Variants in AFF3 observed in about 807,000 individuals in gnomAD.
The protein encoded by AFF3 is AF4/FMR2 family member 3.
Under a neutral mutation model 129.7 loss-of-function variants are expected in AFF3, and 32 were observed. That is an observed-to-expected ratio of 0.25 (90% CI 0.19 to 0.33). AFF3 has a LOEUF of 0.33. Ranked by LOEUF, AFF3 falls within the 10% of genes least tolerant of loss-of-function variation. The pLI is 1.00. For synonymous variants in AFF3, 644 were observed against 635.4 expected, an observed-to-expected ratio of 1.01 and a Z score of -0.20; for missense variants, 1,373 against 1,592.0, an observed-to-expected ratio of 0.86 and a Z score of 2.34.
At chr2:100,140,754 A>G (rs1251841019) in intron 1 of AFF3, among the ~76,000 whole-genome samples, 1 of 152,082 alleles carries the variant, frequency 6.6e-6, no homozygotes. Flanking sequence ...GCTCCAGAAC[A>G]TGTTCCTCTC....
rs189816938 is a variant in AFF3, at chr2:99,958,438, T to C, written c.873+48194A>G. Among the ~76,000 whole-genome samples the C allele has an allele frequency of 3.6e-3, 528 of 148,630 alleles. 1 individual carries two copies. The highest frequency in any genetic ancestry group is 5.9e-3 in the Non-Finnish European group (399 of 67,444). ...AACCTAGGAGGTGAAGGAGCCGAGA[T>C]CGTGTCACTGCACTCCAGCCTGGGT... On this transcript the variant is annotated intron_variant, in intron 7 of 24. Coordinates refer to ENST00000672756, the MANE Select transcript of AFF3 (RefSeq NM_001386135.1).
chr2:99,794,348 T>C (rs974096396), intron 8 of AFF3, among the ~76,000 whole-genome samples: 3 of 152,218 alleles, frequency 2.0e-5, no homozygotes, highest in African/African-American at 7.2e-5. Context: ...TTTTAAATTG[T>C]GTTAGGGTGT....
intron 4 of AFF3, among the ~76,000 whole-genome samples, chr2:100,021,482 G>A (rs1302952261): frequency 1.3e-5 from 2 of 152,100 alleles, no homozygotes; most frequent in Non-Finnish European, 2.9e-5. Context: ...TGAACACACA[G>A]AACTAAACCC....
At chr2:100,063,321 G>A (rs547582227) in intron 4 of AFF3, among the ~76,000 whole-genome samples, 1 of 150,928 alleles carries the variant, frequency 6.6e-6, no homozygotes, top group Non-Finnish European at 1.5e-5. Context: ...TGTGGAGATT[G>A]GCTGCATAAC....
intron 8 of AFF3, among the ~76,000 whole-genome samples, chr2:99,834,525 C>G (rs1395309157): frequency 6.6e-6 from 1 of 152,196 alleles, no homozygotes; most frequent in Non-Finnish European, 1.5e-5. Flanking sequence ...CCCAAGAAGT[C>G]TCTAAATTCA....
At chr2:100,090,170 G>GTGTA (rs1689731794) in intron 4 of AFF3, among the ~76,000 whole-genome samples, 1 of 123,094 alleles carries the variant, frequency 8.1e-6, no homozygotes, top group Non-Finnish European at 1.7e-5. Context: ...TGTACACCAT[G>GTGTA]TGTAGTTCCA....
At chr2:99,908,087 T>C (rs1694845981) in intron 7 of AFF3, among the ~76,000 whole-genome samples, 1 of 152,194 alleles carries the variant, frequency 6.6e-6, no homozygotes. Context: ...TTTAATCTGT[T>C]TTGGCTATGT....
chr2:99,969,247 G>T (rs1452921584), intron 7 of AFF3, among the ~76,000 whole-genome samples: 2 of 152,128 alleles, frequency 1.3e-5, no homozygotes, highest in East Asian at 3.9e-4. Context: ...TACCCTCAGA[G>T]GTGACACACA....
intron 8 of AFF3, among the ~76,000 whole-genome samples, chr2:99,783,360 G>C (rs1389925525): frequency 6.6e-6 from 1 of 152,204 alleles, no homozygotes; most frequent in Non-Finnish European, 1.5e-5. Context: ...CGCACTGTCA[G>C]TGTCTGGGGA....
chr2:99,588,491 G>T (rs1314100984), intron 15 of AFF3, among the ~76,000 whole-genome samples: 1 of 152,166 alleles, frequency 6.6e-6, no homozygotes, highest in Non-Finnish European at 1.5e-5. Flanking sequence ...TTTAACTTTA[G>T]ATATGTGTTA....
At chr2:99,720,232 T>C (rs530845597) in intron 11 of AFF3, among the ~76,000 whole-genome samples, 2 of 152,244 alleles carry the variant, frequency 1.3e-5, no homozygotes, top group African/African-American at 2.4e-5. Flanking sequence ...TGTGGTGGTA[T>C]TGGGAGCTGG....
At chr2:99,732,927 C>CT (rs2105046248) in intron 10 of AFF3, among the ~76,000 whole-genome samples, 1 of 152,200 alleles carries the variant, frequency 6.6e-6, no homozygotes, top group East Asian at 1.9e-4. Flanking sequence ...CTGCATTTCT[C>CT]TGAGCACTAA....
At chr2:99,932,207 G>T (rs1207486572) in intron 7 of AFF3, among the ~76,000 whole-genome samples, 2 of 151,670 alleles carry the variant, frequency 1.3e-5, no homozygotes, top group Non-Finnish European at 2.9e-5. Context: ...GATTTTTTTT[G>T]CGATTTTTTT....
chr2:99,601,862 C>T (rs1679872084), intron 13 of AFF3, among the ~76,000 whole-genome samples: 1 of 152,134 alleles, frequency 6.6e-6, no homozygotes, highest in Non-Finnish European at 1.5e-5. Context: ...TAGTCGGGCA[C>T]TGGTTATTCG....
chr2:99,707,410 A>C lies in AFF3; in HGVS notation c.1091+19667T>G, dbSNP rs939306740. On this transcript the variant is annotated intron_variant, in intron 11 of 24. Transcript: ENST00000672756. ...AATGTGTGATTTTTAAACAGAGGTA[A>C]ATTCCTCTTCGTATCAAGTATCAGA... 3 of 985,160 alleles carry C rather than the reference A, an allele frequency of 3.0e-6. No homozygotes were observed. The African/African-American group carries it at 5.2e-5, about 17-fold the overall frequency. 61.0% of individuals were successfully genotyped at this position (985,160 alleles called of 1,614,324 possible).
At chr2:99,854,612 C>T (rs1690389955) in intron 7 of AFF3, among the ~76,000 whole-genome samples, 1 of 152,204 alleles carries the variant, frequency 6.6e-6, no homozygotes, top group Non-Finnish European at 1.5e-5. Context: ...AACCTCCCAT[C>T]ACTTCTGCCT....
chr2:99,865,415 G>A (rs1691317861), intron 7 of AFF3, among the ~76,000 whole-genome samples: 1 of 152,216 alleles, frequency 6.6e-6, no homozygotes, highest in South Asian at 2.1e-4. Context: ...GAGCATGGAA[G>A]GTCCTGGCTG....
Position 99,908,344 on chromosome 2 carries a change from T to G in AFF3, c.874-70820A>C, listed in dbSNP as rs996517885. ...AATTAATTCAAGATGGATTAAAGAC[T>G]TACATGTTAGACCTAAAACCATAAA... On this transcript the variant is annotated intron_variant, in intron 7 of 24. Transcript: ENST00000672756. 2.0e-5 allele frequency among the ~76,000 whole-genome samples: 3 copies of G among 152,174 alleles called. No homozygotes were observed. The South Asian group carries it at 6.2e-4, about 32-fold the overall frequency.
chr2:99,592,760 C>T (rs1478701060), intron 15 of AFF3, among the ~76,000 whole-genome samples: 1 of 151,964 alleles, frequency 6.6e-6, no homozygotes, highest in East Asian at 1.9e-4. Flanking sequence ...ATGGTGAAAC[C>T]CTGTCTTTAC....
Sources: gnomAD v4.1 joint callset for allele counts (sites outside exome capture counted in the v4.1 genomes callset) on GRCh38, gnomAD v4.1.1 for gene constraint, MANE v1.5 for transcripts, NCBI Gene and HGNC (gene_info 2026-07-23, HGNC 2026-07-21) for gene names.